TIRAP: variants seen among roughly 807,000 people sequenced by gnomAD.
TIRAP encodes the protein toll/interleukin-1 receptor domain-containing adapter protein.
TIRAP carries 20 observed loss-of-function variants against 19.8 expected under a neutral mutation model. The observed-to-expected ratio is 1.01, with a 90% CI of 0.71 to 1.47. The LOEUF is 1.47. Among genes scored for constraint, TIRAP ranks in the 40% most tolerant of loss-of-function variants. TIRAP has a pLI of 0.00. For synonymous variants in TIRAP, 125 were observed against 121.7 expected, an observed-to-expected ratio of 1.03 and a Z score of -0.18; for missense variants, 276 against 285.1, an observed-to-expected ratio of 0.97 and a Z score of 0.23.
chr11:126,289,953 C>A, intron 1 of TIRAP: 4 of 438,026 alleles, frequency 9.1e-6, no homozygotes, highest in African/African-American at 2.1e-5. Flanking sequence ...TTTGGAACAG[C>A]ACTGAATTAA....
chr11:126,292,876 G>A lies in TIRAP; in HGVS notation c.467G>A (p.Trp156Ter). The A allele has an allele frequency of 6.2e-7, 1 of 1,613,472 alleles. No homozygotes were observed. The highest frequency in any genetic ancestry group is 8.5e-7 in the Non-Finnish European group (1 of 1,179,958). Residue 156 changes from tryptophan to a stop codon, truncating the protein, a stop_gained, in exon 4 of 5, where the codon TGG becomes TAG. Transcript: ENST00000392679. LOFTEE classifies it high-confidence loss of function. ...LITPGFLQDP[W>*]CKYQMLQALT... Reference sequence around the variant, plus strand: ...ACGCCGGGCTTCCTTCAGGACCCCTGGTGCAAGTACCAGATGCTGCAGGCC... The same window carrying A: ...ACGCCGGGCTTCCTTCAGGACCCCTAGTGCAAGTACCAGATGCTGCAGGCC...
chr11:126,292,658 C>T lies in TIRAP; in HGVS notation c.249C>T (p.Ser83=). 6.2e-7 allele frequency: 1 copy of T among 1,614,106 alleles called. No individual in the cohort carries two copies. The highest frequency in any genetic ancestry group is 8.5e-7 in the Non-Finnish European group (1 of 1,180,004). The stretch of plus-strand genomic sequence containing the variant: ...GTGACAGTGGCAGTAGTCGCTGGAG[C>T]AAAGACTATGACGTCTGCGTGTGCC... ...HASDSGSSRW[S]KDYDVCVCHS... The change falls in exon 4 of 5, where the codon AGC becomes AGT. Residue 83 remains serine (S), a synonymous_variant. Transcript: ENST00000392679.
rs1261060953 is a variant in TIRAP, at chr11:126,288,964, T to C, written c.-216-1498T>C. Among the ~76,000 whole-genome samples, 2 of 152,234 alleles carry C rather than the reference T, an allele frequency of 1.3e-5. No homozygotes were observed. Among genetic ancestry groups the C allele is most frequent in the Non-Finnish European group, 2.9e-5 (2 of 68,038 alleles). ...TACTACTGGGGGCAAAAAGGCATCC[T>C]GAACGGCCCTAGCTGCAGCCTACCA... On this transcript the variant is annotated intron_variant, in intron 1 of 4. Coordinates refer to ENST00000392679, the MANE Select transcript of TIRAP (RefSeq NM_001318777.2). The surrounding 1 kb of genome is among the most constrained non-coding windows in gnomAD (Gnocchi z 5.0).
At chr11:126,285,812 C>T (rs990561683) in intron 1 of TIRAP, among the ~76,000 whole-genome samples, 6 of 150,942 alleles carry the variant, frequency 4.0e-5, no homozygotes, top group Non-Finnish European at 5.9e-5. Context: ...CTGAGGTGGG[C>T]GGATCACTTG....
At chr11:126,286,795 G>C (rs1951327445) in intron 1 of TIRAP, among the ~76,000 whole-genome samples, 1 of 152,138 alleles carries the variant, frequency 6.6e-6, no homozygotes, top group Non-Finnish European at 1.5e-5. Context: ...GTAACAAATT[G>C]CCACAAACTT....
At chr11:126,283,906 C>T (rs933007666) in intron 1 of TIRAP, among the ~76,000 whole-genome samples, 10 of 152,170 alleles carry the variant, frequency 6.6e-5, no homozygotes, top group African/African-American at 2.4e-4. Flanking sequence ...CAACCATTTT[C>T]CACAACACGC....
intron 1 of TIRAP, among the ~76,000 whole-genome samples, chr11:126,284,788 A>G (rs1020885405): frequency 4.6e-5 from 7 of 150,890 alleles, no homozygotes. Flanking sequence ...TGGGAGGCAG[A>G]GGTTGCAGGG....
At chr11:126,292,246 G>A (rs1204815212) in intron 3 of TIRAP, among the ~76,000 whole-genome samples, 1 of 150,218 alleles carries the variant, frequency 6.7e-6, no homozygotes, top group African/African-American at 2.5e-5. Flanking sequence ...AGAAGTTGCA[G>A]TGAGCCAAGA....
Position 126,292,720 on chromosome 11 carries a change from T to A in TIRAP, c.311T>A (p.Val104Asp), listed in dbSNP as rs776805808. 1 of 1,613,564 alleles carries A rather than the reference T, an allele frequency of 6.2e-7. No homozygotes were observed. The highest frequency in any genetic ancestry group is 2.2e-5 in the East Asian group (1 of 44,864). The stretch of plus-strand genomic sequence containing the variant: ...GACCTGGTGGCCGCCCAGGACCTGG[T>A]CTCCTACTTGGAAGGCAGCACTGCC... ...EEDLVAAQDL[V>D]SYLEGSTASL... The change falls in exon 4 of 5, where the codon GTC (valine) becomes GAC (aspartate). Residue 104 changes from valine (V) to aspartate (D), a missense_variant. Physicochemically the swap from Val to Asp is radical, Grantham distance 152. Coordinates refer to ENST00000392679, the MANE Select transcript of TIRAP (RefSeq NM_001318777.2).
Position 126,290,870 on chromosome 11 carries a change from CG to C in TIRAP, c.-21del, listed in dbSNP as rs1565364414. 6.3e-7 allele frequency: 1 copy of C among 1,593,144 alleles called. No individual in the cohort carries two copies. Among genetic ancestry groups the C allele is most frequent in the East Asian group, 2.2e-5 (1 of 44,500 alleles). ...CCCCCTTCACCAATGCCTGGTCTCA[CG>C]GGGCTAGTTTTGACCCCCACGCTAT... On this transcript the variant is annotated 5_prime_UTR_variant, in exon 3 of 5. It introduces an in-frame stop codon into an upstream open reading frame of the 5' UTR. Coordinates refer to ENST00000392679, the MANE Select transcript of TIRAP (RefSeq NM_001318777.2). The surrounding 1 kb of genome is among the most constrained non-coding windows in gnomAD (Gnocchi z 4.9).
rs761403464 is a variant in TIRAP at position 126,291,254 on chromosome 11, G to A, written c.67+293G>A. 1.5e-4 allele frequency: 82 copies of A among 563,844 alleles called. No homozygotes were observed. The highest frequency in any genetic ancestry group is 5.3e-4 in the Middle Eastern group (1 of 1,902). The allele number at this position is 563,844 out of a possible 1,614,324, so 34.9% of individuals were successfully genotyped here. On this transcript the variant is annotated intron_variant, in intron 3 of 4. Transcript: ENST00000392679. This position sits in a 1 kb window ranked among gnomAD's most constrained non-coding sequence, Gnocchi z 5.6. The stretch of plus-strand genomic sequence containing the variant: ...TGAGTGCTTAACACTGTCTCTTGTC[G>A]TCCAAATCTTTGTTCCAGAACCATT...
intron 1 of TIRAP, chr11:126,289,955 C>T (rs1000959452): frequency 1.4e-5 from 6 of 416,040 alleles, no homozygotes; most frequent in African/African-American, 2.2e-5. Context: ...TGGAACAGCA[C>T]TGAATTAATG....
intron 3 of TIRAP, 83 bp from the exon 4 acceptor site, chr11:126,292,394 C>T: frequency 6.7e-7 from 1 of 1,492,762 alleles, no homozygotes; most frequent in Non-Finnish European, 9.1e-7. Context: ...TCTGTCCTCC[C>T]TGTGAGGTGG....
chr11:126,288,978 T>G lies in TIRAP; in HGVS notation c.-216-1484T>G, dbSNP rs1393264655. ...AAAAGGCATCCTGAACGGCCCTAGCTGCAGCCTACCACTTAGGCTGTCTGA... is the reference window on the plus strand; with the variant it reads ...AAAAGGCATCCTGAACGGCCCTAGCGGCAGCCTACCACTTAGGCTGTCTGA... On this transcript the variant is annotated intron_variant, in intron 1 of 4. Transcript: ENST00000392679. This position sits in a 1 kb window ranked among gnomAD's most constrained non-coding sequence, Gnocchi z 5.0. Among the ~76,000 whole-genome samples the G allele has an allele frequency of 6.6e-6, 1 of 152,206 alleles. No homozygotes were observed. Among genetic ancestry groups the G allele is most frequent in the African/African-American group, 2.4e-5 (1 of 41,450 alleles).
At chr11:126,285,243 G>GTATATATATATATATATA (rs1555068788) in intron 1 of TIRAP, among the ~76,000 whole-genome samples, 2 of 106,972 alleles carry the variant, frequency 1.9e-5, no homozygotes, top group Non-Finnish European at 3.8e-5. Flanking sequence ...GTGTGTGTGT[G>GTATATATATATATATATA]TATATATATA....
chr11:126,294,632 T>A lies in TIRAP; in HGVS notation c.*945T>A. On this transcript the variant is annotated 3_prime_UTR_variant, in exon 5 of 5. Transcript: ENST00000392679. ...TAGGACAGGCAAGGTTTCATTCATC[T>A]GTTCTCAGTAAGTTTGTTGTTGAAC... The A allele has an allele frequency of 2.2e-6, 1 of 445,048 alleles. No individual in the cohort carries two copies. Among genetic ancestry groups the A allele is most frequent in the Non-Finnish European group, 4.5e-6 (1 of 221,920 alleles). The allele number at this position is 445,048 out of a possible 1,614,324, so 27.6% of individuals were successfully genotyped here.
chr11:126,291,540 C>T lies in TIRAP; in HGVS notation c.67+579C>T. On this transcript the variant is annotated intron_variant, in intron 3 of 4. Transcript: ENST00000392679. The surrounding 1 kb of genome is among the most constrained non-coding windows in gnomAD (Gnocchi z 5.6). ...CAACTAAGACAGGTCCACAAGTCCA[C>T]AGTCAAAGCCGTGTCCCTGACTCCA... is the stretch of plus-strand genomic sequence containing the variant. 1.5e-6 allele frequency: 1 copy of T among 656,128 alleles called. No homozygotes were observed. The highest frequency in any genetic ancestry group is 2.4e-6 in the Non-Finnish European group (1 of 409,326). 40.6% of individuals were successfully genotyped at this position (656,128 alleles called of 1,614,324 possible). A position where few individuals can be genotyped will look rare whatever the true frequency, so the allele number is the denominator to read the frequency against.
chr11:126,293,315 A>G, intron 4 of TIRAP: 1 of 733,504 alleles, frequency 1.4e-6, no homozygotes, highest in Non-Finnish European at 2.4e-6. Context: ...ATATACACGA[A>G]GGGCTCAGAA....
chr11:126,288,118 G>A lies in TIRAP; in HGVS notation c.-216-2344G>A, dbSNP rs371131398. The stretch of plus-strand genomic sequence containing the variant: ...TGGTCTGGAACTCCTGAGCTCACAT[G>A]ATCTGCCCACCTCGGCCTCCCAAAG... On this transcript the variant is annotated intron_variant, in intron 1 of 4. Coordinates refer to ENST00000392679, the MANE Select transcript of TIRAP (RefSeq NM_001318777.2). The surrounding 1 kb of genome is among the most constrained non-coding windows in gnomAD (Gnocchi z 5.0). Among the ~76,000 whole-genome samples, 21 of 152,188 alleles carry A rather than the reference G, an allele frequency of 1.4e-4. 2 individuals carry two copies. Among genetic ancestry groups the A allele is most frequent in the African/African-American group, 4.6e-4 (19 of 41,532 alleles).
Sources: gnomAD v4.1 joint callset for allele counts (sites outside exome capture counted in the v4.1 genomes callset) on GRCh38, gnomAD v4.1.1 for gene constraint, Gnocchi (gnomAD v3.1) non-coding constraint, MANE v1.5 for transcripts, NCBI Gene and HGNC (gene_info 2026-07-23, HGNC 2026-07-21) for gene names.